The following ANKIB1 variants were observed in gnomAD, a reference collection of about 807,000 sequenced individuals.
ANKIB1 encodes the protein ankyrin repeat and IBR domain-containing protein 1.
A neutral mutation model predicts 122.1 loss-of-function variants in ANKIB1; 43 were observed. The observed-to-expected ratio is 0.35, with a 90% CI of 0.28 to 0.45. The LOEUF is 0.45. ANKIB1 is among the 20% of genes least tolerant of loss of function. The pLI is 1.00. For synonymous variants in ANKIB1, 390 were observed against 442.0 expected, an observed-to-expected ratio of 0.88 and a Z score of 1.48; for missense variants, 992 against 1,329.5, an observed-to-expected ratio of 0.75 and a Z score of 3.95.
intron 2 of ANKIB1, among the ~76,000 whole-genome samples, chr7:92,301,308 G>C (rs1802453662): frequency 6.6e-6 from 1 of 151,450 alleles, no homozygotes; most frequent in Non-Finnish European, 1.5e-5. Flanking sequence ...ACATTTCCAT[G>C]AGCAATGTAC....
chr7:92,371,409 GTT>G, intron 10 of ANKIB1, 66 bp from the exon 11 acceptor site: 2 of 1,348,750 alleles, frequency 1.5e-6, no homozygotes, highest in East Asian at 2.5e-5. Flanking sequence ...AGTGTGGAGG[GTT>G]TTTTTTTCCC....
At chr7:92,302,535 A>G (rs1000912252) in intron 2 of ANKIB1, among the ~76,000 whole-genome samples, 1 of 152,220 alleles carries the variant, frequency 6.6e-6, no homozygotes, top group Non-Finnish European at 1.5e-5. Flanking sequence ...ACTCACAGCT[A>G]CTGCTTAATG....
chr7:92,298,919 A>G (rs1018771048), intron 2 of ANKIB1, among the ~76,000 whole-genome samples: 4 of 152,236 alleles, frequency 2.6e-5, no homozygotes, highest in African/African-American at 9.6e-5. Context: ...TCTGCTACAT[A>G]CCAGAATACG....
At chr7:92,282,226 G>T (rs1032276566) in intron 1 of ANKIB1, among the ~76,000 whole-genome samples, 1 of 151,936 alleles carries the variant, frequency 6.6e-6, no homozygotes, top group Admixed American at 6.6e-5. Context: ...CCATCTCGGT[G>T]CACCACACCC....
At chr7:92,371,419 C>T (rs1335279069) in intron 10 of ANKIB1, 58 bp from the exon 11 acceptor site, 24 of 1,407,580 alleles carry the variant, frequency 1.7e-5, no homozygotes, top group Middle Eastern at 1.8e-4. Context: ...GTTTTTTTTT[C>T]CCCCAGAAGT....
At chr7:92,286,877 A>G (rs1161844857) in intron 1 of ANKIB1, among the ~76,000 whole-genome samples, 1 of 152,168 alleles carries the variant, frequency 6.6e-6, no homozygotes, top group East Asian at 1.9e-4. Flanking sequence ...AGAAAATACT[A>G]TTTAGAACAT....
intron 9 of ANKIB1, among the ~76,000 whole-genome samples, chr7:92,361,478 C>T (rs140927415): frequency 2.6e-5 from 4 of 152,248 alleles, no homozygotes; most frequent in African/African-American, 7.2e-5. Context: ...TCACATGGGG[C>T]CTGTTCTTCT....
chr7:92,397,622 C>G (rs1804927959), intron 18 of ANKIB1, 101 bp from the exon 19 acceptor site: 1 of 1,335,038 alleles, frequency 7.5e-7, no homozygotes, highest in Admixed American at 1.9e-5. Context: ...TTCCCCAGCA[C>G]TGAAAGAGAA....
At position 92,294,945 on chromosome 7, in the gene ANKIB1, G is replaced by C. The variant is rs1362829027; in HGVS notation, c.-34G>C. 4 of 1,525,342 alleles carry C rather than the reference G, an allele frequency of 2.6e-6. No individual in the cohort carries two copies. In the South Asian group the frequency reaches 5.1e-5, roughly 20 times the overall value. The allele number at this position is 1,525,342 out of a possible 1,614,324, so 94.5% of individuals were successfully genotyped here. ...AGTGGCTGAAGATAGAAGGAAAAAAGTGCCACTGCCTATCAGAAAAAACAA... is the reference window on the plus strand; with the variant it reads ...AGTGGCTGAAGATAGAAGGAAAAAACTGCCACTGCCTATCAGAAAAAACAA... On this transcript the variant is annotated 5_prime_UTR_variant, in exon 2 of 20. Transcript: ENST00000265742.
intron 15 of ANKIB1, 43 bp from the exon 16 acceptor site, chr7:92,391,123 C>T (rs901645671): frequency 1.2e-5 from 18 of 1,533,122 alleles, no homozygotes; most frequent in African/African-American, 8.3e-5. Context: ...TATTGATTAA[C>T]CTATGAAGCC....
At chr7:92,329,425 G>T (rs771559175) in intron 5 of ANKIB1, among the ~76,000 whole-genome samples, 10 of 152,178 alleles carry the variant, frequency 6.6e-5, no homozygotes, top group Non-Finnish European at 1.3e-4. Context: ...TAGGTCTAGT[G>T]TAAGGCCCAA....
rs765427768 is a variant in ANKIB1 at position 92,362,119 on chromosome 7, C to CT, written c.1398-59dup. The CT allele has an allele frequency of 5.3e-5, 78 of 1,476,002 alleles. 1 individual carries two copies. Among genetic ancestry groups the CT allele is most frequent in the Non-Finnish European group, 6.1e-5 (66 of 1,081,664 alleles). 91.4% of individuals were successfully genotyped at this position (1,476,002 alleles called of 1,614,324 possible). ...AGCCACCACGCCCGGCCTCTACACACTTTTTTTACCTTGATGTTGATGAAG... is the reference window on the plus strand; with the variant it reads ...AGCCACCACGCCCGGCCTCTACACACTTTTTTTTACCTTGATGTTGATGAAG... On this transcript the variant is annotated intron_variant, in intron 9 of 19. Coordinates refer to ENST00000265742, the MANE Select transcript of ANKIB1 (RefSeq NM_019004.2).
intron 9 of ANKIB1, among the ~76,000 whole-genome samples, chr7:92,359,846 C>T (rs916155975): frequency 1.3e-5 from 2 of 152,180 alleles, no homozygotes; most frequent in South Asian, 2.1e-4. Context: ...TAGCCTCGAA[C>T]TCCTGGGCTC....
At position 92,298,644 on chromosome 7, in the gene ANKIB1, G is replaced by A. The variant is rs1177020336; in HGVS notation, c.188+3478G>A. ...TGTTATTTGCCTTTTATACTGTGTT[G>A]GCATTTGCAGTGGCAGGACAAAAAA... is the stretch of plus-strand genomic sequence containing the variant. On this transcript the variant is annotated intron_variant, in intron 2 of 19. Transcript: ENST00000265742. Among the ~76,000 whole-genome samples the A allele has an allele frequency of 6.6e-5, 10 of 151,862 alleles. No individual in the cohort carries two copies. In the East Asian group the frequency reaches 1.9e-3, roughly 29 times the overall value.
In ANKIB1 at chr7:92,391,315, T is replaced by C; in HGVS notation, c.2202T>C (p.Pro734=). Residue 734 remains proline, a synonymous_variant, in exon 16 of 20, where the codon CCT becomes CCC. Transcript: ENST00000265742. ...CATCTGTGGCTCGGGGAGTAGCTCC[T>C]GCAGACTCACCAGAAGCTCCAAGGC... The part of the protein sequence containing the change: ...FLASVARGVA[P]ADSPEAPRRS... The C allele has an allele frequency of 6.2e-7, 1 of 1,612,898 alleles. No individual in the cohort carries two copies.
intron 1 of ANKIB1, among the ~76,000 whole-genome samples, chr7:92,248,467 A>T (rs1357851595): frequency 6.6e-6 from 1 of 152,186 alleles, no homozygotes; most frequent in East Asian, 1.9e-4. Flanking sequence ...ATGTGTATTT[A>T]CAACTTGCTT....
chr7:92,284,673 ATTTG>A (rs1447003906), intron 1 of ANKIB1, among the ~76,000 whole-genome samples: 1 of 149,694 alleles, frequency 6.7e-6, no homozygotes, highest in African/African-American at 2.5e-5. Flanking sequence ...TCATTCATTC[ATTTG>A]TTCCTTCTTT....
chr7:92,363,637 G>A (rs554296825), intron 10 of ANKIB1, among the ~76,000 whole-genome samples: 1 of 152,334 alleles, frequency 6.6e-6, no homozygotes, highest in East Asian at 1.9e-4. Flanking sequence ...ATGAACTGGA[G>A]TTTAGCATCT....
chr7:92,362,076 GCT>G, intron 9 of ANKIB1, 107 bp from the exon 10 acceptor site: 1 of 960,834 alleles, frequency 1.0e-6, no homozygotes, highest in Non-Finnish European at 1.6e-6. Context: ...CTCCCAAAGT[GCT>G]GGGATTACAG....
Sources: gnomAD v4.1 joint callset for allele counts (sites outside exome capture counted in the v4.1 genomes callset) on GRCh38, gnomAD v4.1.1 for gene constraint, MANE v1.5 for transcripts, NCBI Gene and HGNC (gene_info 2026-07-23, HGNC 2026-07-21) for gene names.